Variants in KIF13B observed in about 807,000 individuals in gnomAD.
KIF13B encodes kinesin-like protein KIF13B.
In KIF13B, 127 loss-of-function variants were observed where a neutral mutation model predicts 222.0. The ratio of observed to expected loss-of-function variants is 0.57; its 90% CI spans 0.50 to 0.66. The LOEUF is 0.66. Among genes scored for constraint, KIF13B ranks in the 30% least tolerant of loss-of-function variants. KIF13B has a pLI of 0.00. For synonymous variants in KIF13B, 976 were observed against 919.0 expected (o/e 1.06, Z -1.12); for missense variants, 2,173 against 2,379.0 (o/e 0.91, Z 1.80).
chr8:29,097,834 T>G (rs1177072821), intron 36 of KIF13B, among the ~76,000 whole-genome samples: 1 of 151,998 alleles, frequency 6.6e-6, no homozygotes, highest in African/African-American at 2.4e-5. Flanking sequence ...AGTATCAGAA[T>G]AAAAAGAAGG....
chr8:29,111,632 T>C (rs1393986748), intron 32 of KIF13B, among the ~76,000 whole-genome samples: 2 of 152,094 alleles, frequency 1.3e-5, no homozygotes, highest in Non-Finnish European at 2.9e-5. Context: ...TAAAACCCTA[T>C]CGCCTGGAGA....
Position 29,183,175 on chromosome 8 carries a change from T to G in KIF13B, c.498-1169A>C, listed in dbSNP as rs946563133. On this transcript the variant is annotated intron_variant, in intron 6 of 39. Coordinates refer to ENST00000524189, the MANE Select transcript of KIF13B (RefSeq NM_015254.4). ...TTATAATCCTTAAAGTTTGTTTTTT[T>G]TTTTTTTTTTTTCCAATGGAGTCTT... Among the ~76,000 whole-genome samples the G allele has an allele frequency of 3.4e-5, 5 of 146,950 alleles. No homozygotes were observed. In the East Asian group the frequency reaches 6.0e-4, roughly 18 times the overall value.
chr8:29,240,116 T>C (rs1306304205), intron 2 of KIF13B, among the ~76,000 whole-genome samples: 2 of 151,644 alleles, frequency 1.3e-5, no homozygotes, highest in Non-Finnish European at 2.9e-5. Context: ...GTGGGTGATA[T>C]TATTTTCAGC....
chr8:29,157,615 G>C (rs1370839298), intron 13 of KIF13B, among the ~76,000 whole-genome samples: 2 of 151,938 alleles, frequency 1.3e-5, no homozygotes, highest in Non-Finnish European at 2.9e-5. Flanking sequence ...TGAGGCAGGA[G>C]AGTGGCTTGA....
chr8:29,134,287 G>A (rs917157985), intron 21 of KIF13B, 77 bp from the exon 22 acceptor site: 82 of 1,400,458 alleles, frequency 5.9e-5, no homozygotes, highest in Non-Finnish European at 7.0e-5. Flanking sequence ...TTCCAGCCCC[G>A]GCTCTGTCAC....
chr8:29,126,509 C>T lies in KIF13B; in HGVS notation c.3225G>A (p.Glu1075=). ...GGTAGCTGTCCATGTCTTCCTCTTC[C>T]TCCTAAAAGAAAATATACATTACAA... ...RAPRTHETFH[E]EEEDMDSYQD... Residue 1075 remains glutamate, a splice_region_variant and synonymous_variant, in exon 26 of 40, where the codon GAG becomes GAA. Coordinates refer to ENST00000524189, the MANE Select transcript of KIF13B (RefSeq NM_015254.4). 1 of 1,530,912 alleles carries T rather than the reference C, an allele frequency of 6.5e-7. No individual in the cohort carries two copies. Among genetic ancestry groups the T allele is most frequent in the Non-Finnish European group, 9.0e-7 (1 of 1,114,334 alleles). The allele number at this position is 1,530,912 out of a possible 1,614,324, so 94.8% of individuals were successfully genotyped here. A position where few individuals can be genotyped will look rare whatever the true frequency, so the allele number is the denominator to read the frequency against.
intron 2 of KIF13B, among the ~76,000 whole-genome samples, chr8:29,225,195 G>A (rs536766283): frequency 6.6e-6 from 1 of 152,232 alleles, no homozygotes; most frequent in South Asian, 2.1e-4. Context: ...GAAAGGCAGG[G>A]CCACATGTGG....
intron 35 of KIF13B, among the ~76,000 whole-genome samples, chr8:29,105,068 G>C (rs1808990122): frequency 6.6e-6 from 1 of 151,932 alleles, no homozygotes; most frequent in African/African-American, 2.4e-5. Flanking sequence ...CCGGGCTCAA[G>C]TGATCCTCCC....
intron 6 of KIF13B, among the ~76,000 whole-genome samples, chr8:29,185,436 G>A (rs918085312): frequency 6.6e-6 from 1 of 152,190 alleles, no homozygotes; most frequent in Non-Finnish European, 1.5e-5. Flanking sequence ...TTCTTGCATA[G>A]TGCCTGGCAT....
Position 29,071,983 on chromosome 8 carries a change from C to A in KIF13B, c.4855G>T (p.Glu1619Ter). The change falls in exon 39 of 40, where the codon GAG becomes TAG. Residue 1619 changes from glutamate to a stop codon, truncating the protein, a stop_gained. Coordinates refer to ENST00000524189, the MANE Select transcript of KIF13B (RefSeq NM_015254.4). LOFTEE classifies it high-confidence loss of function. This position sits in a 1 kb window ranked among gnomAD's most constrained non-coding sequence, Gnocchi z 4.9. ...HPPPPTAVPA[E>*]EPPGPQQLVS... ...AGCTGCTGGGGGCCAGGGGGCTCCT[C>A]GGCGGGGACGGCCGTGGGCGGTGGG... is the stretch of plus-strand genomic sequence containing the variant. 7.7e-7 allele frequency: 1 copy of A among 1,307,180 alleles called. No individual in the cohort carries two copies. Among genetic ancestry groups the A allele is most frequent in the Non-Finnish European group, 9.7e-7 (1 of 1,031,474 alleles). 81.0% of individuals were successfully genotyped at this position (1,307,180 alleles called of 1,614,324 possible).
At chr8:29,190,944 C>T in intron 4 of KIF13B, 53 bp downstream of exon 4, 1 of 1,420,150 alleles carries the variant, frequency 7.0e-7, no homozygotes, top group Non-Finnish European at 1.0e-6. Context: ...GGAAAAAATA[C>T]TGAACCCCTC....
Position 29,071,610 on chromosome 8 carries a change from C to T in KIF13B, c.5218+10G>A, listed in dbSNP as rs2133464340. ...GCACCACCCTGGAGCCCGGAGTGCC[C>T]GGTACCCACCTGAGGGCAGGTCGAG... On this transcript the variant is annotated intron_variant, in intron 39 of 39. Coordinates refer to ENST00000524189, the MANE Select transcript of KIF13B (RefSeq NM_015254.4). This position sits in a 1 kb window ranked among gnomAD's most constrained non-coding sequence, Gnocchi z 4.9. 2 of 1,547,870 alleles carry T rather than the reference C, an allele frequency of 1.3e-6. No individual in the cohort carries two copies. The highest frequency in any genetic ancestry group is 3.3e-4 in the Middle Eastern group (2 of 5,990).
At chr8:29,185,610 T>G (rs1051507843) in intron 6 of KIF13B, among the ~76,000 whole-genome samples, 11 of 152,242 alleles carry the variant, frequency 7.2e-5, no homozygotes, top group Admixed American at 2.6e-4. Flanking sequence ...AGAGTCACTA[T>G]GACTCACTGC....
chr8:29,102,885 C>T (rs949299983), intron 35 of KIF13B, among the ~76,000 whole-genome samples: 1 of 152,306 alleles, frequency 6.6e-6, no homozygotes, highest in Non-Finnish European at 1.5e-5. Flanking sequence ...CAAAAGATGA[C>T]AAACATACAA....
chr8:29,168,441 C>T (rs1402818900), intron 10 of KIF13B, among the ~76,000 whole-genome samples: 1 of 152,252 alleles, frequency 6.6e-6, no homozygotes, highest in African/African-American at 2.4e-5. Flanking sequence ...GGCGCCCACA[C>T]CCTAGTACTC....
chr8:29,256,726 T>A (rs543740423), intron 1 of KIF13B, among the ~76,000 whole-genome samples: 1 of 151,910 alleles, frequency 6.6e-6, no homozygotes, highest in African/African-American at 2.4e-5. Context: ...TTCTGCTACA[T>A]AGAAATGCTA....
At chr8:29,146,281 G>A (rs11774058) in intron 18 of KIF13B, 97 bp downstream of exon 18, 4 of 1,250,936 alleles carry the variant, frequency 3.2e-6, no homozygotes, top group Non-Finnish European at 4.7e-6. Flanking sequence ...ACTTGGGGCA[G>A]GCACAGACAG....
At chr8:29,116,212 T>A (rs1344069573) in intron 31 of KIF13B, among the ~76,000 whole-genome samples, 1 of 152,320 alleles carries the variant, frequency 6.6e-6, no homozygotes, top group East Asian at 1.9e-4. Flanking sequence ...CTTATTCACC[T>A]TTTTATCCCA....
chr8:29,181,150 A>G (rs1226882635), intron 7 of KIF13B, among the ~76,000 whole-genome samples: 1 of 152,210 alleles, frequency 6.6e-6, no homozygotes, highest in Non-Finnish European at 1.5e-5. Flanking sequence ...GGGTGTAGGC[A>G]TGCTATCTCG....
Sources: gnomAD v4.1 joint callset for allele counts (sites outside exome capture counted in the v4.1 genomes callset) on GRCh38, gnomAD v4.1.1 for gene constraint, Gnocchi (gnomAD v3.1) non-coding constraint, MANE v1.5 for transcripts, NCBI Gene and HGNC (gene_info 2026-07-23, HGNC 2026-07-21) for gene names.